The following MRPS9 variants were observed in gnomAD, a reference collection of about 807,000 sequenced individuals.
The protein encoded by MRPS9 is small ribosomal subunit protein uS9m.
MRPS9 carries 45 observed loss-of-function variants against 59.9 expected under a neutral mutation model. That is an observed-to-expected ratio of 0.75 (90% CI 0.59 to 0.96). The LOEUF is 0.96. Among genes scored for constraint, MRPS9 ranks in the 40% least tolerant of loss-of-function variants. MRPS9 has a pLI of 0.00. For missense variants in MRPS9, 473 were observed against 481.1 expected (o/e 0.98, Z 0.16); for synonymous variants, 171 against 166.8 (o/e 1.03, Z -0.19).
chr2:105,096,719 TATAGTAGACTTTATTTAGTGAATCCAAA>T lies in MRPS9; in HGVS notation c.930-435_930-408del, dbSNP rs537092268. Among the ~76,000 whole-genome samples the T allele has an allele frequency of 4.2e-3, 642 of 152,338 alleles. 5 individuals carry two copies. Among genetic ancestry groups the T allele is most frequent in the African/African-American group, 0.014 (595 of 41,570 alleles). ...GCATTATACATTATACAGATACACT[TATAGTAGACTTTATTTAGTGAATCCAAA>T]TGACATGTGATAATTGTTTGGAAAG... On this transcript the variant is annotated intron_variant, in intron 9 of 10. Transcript: ENST00000258455.
intron 2 of MRPS9, among the ~76,000 whole-genome samples, chr2:105,062,616 T>C (rs1679927795): frequency 6.6e-6 from 1 of 152,234 alleles, no homozygotes; most frequent in Non-Finnish European, 1.5e-5. Flanking sequence ...ACTTTAACCT[T>C]GTAACCATTT....
intron 5 of MRPS9, among the ~76,000 whole-genome samples, chr2:105,082,744 G>A (rs140228850): frequency 3.9e-5 from 6 of 152,284 alleles, no homozygotes; most frequent in African/African-American, 1.2e-4. Flanking sequence ...ATGTTCTCAC[G>A]TTTTGGAAAT....
At chr2:105,050,144 C>CTTT (rs201774328) in intron 2 of MRPS9, among the ~76,000 whole-genome samples, 5 of 150,882 alleles carry the variant, frequency 3.3e-5, no homozygotes, top group African/African-American at 4.9e-5. Flanking sequence ...CTTTTCTTTT[C>CTTT]TTTTCTTTTT....
intron 5 of MRPS9, among the ~76,000 whole-genome samples, chr2:105,086,192 T>C (rs983420523): frequency 6.6e-6 from 1 of 152,194 alleles, no homozygotes; most frequent in Non-Finnish European, 1.5e-5. Context: ...TTACATATAT[T>C]TTCCTATTTA....
At chr2:105,052,051 AG>A (rs1679721140) in intron 2 of MRPS9, among the ~76,000 whole-genome samples, 1 of 152,184 alleles carries the variant, frequency 6.6e-6, no homozygotes, top group Non-Finnish European at 1.5e-5. Context: ...AAGAATTAGT[AG>A]GATATTTCAC....
chr2:105,067,535 G>A (rs1480889253), intron 2 of MRPS9, among the ~76,000 whole-genome samples: 1 of 152,030 alleles, frequency 6.6e-6, no homozygotes, highest in Non-Finnish European at 1.5e-5. Flanking sequence ...AGTCTATAGG[G>A]TAATATTCTG....
chr2:105,057,311 C>T (rs1679808313), intron 2 of MRPS9, among the ~76,000 whole-genome samples: 1 of 152,138 alleles, frequency 6.6e-6, no homozygotes, highest in Non-Finnish European at 1.5e-5. Flanking sequence ...GCAAATAGAC[C>T]TTAATGCTGT....
chr2:105,089,284 A>T (rs774254722), intron 6 of MRPS9, among the ~76,000 whole-genome samples: 1 of 152,204 alleles, frequency 6.6e-6, no homozygotes, highest in African/African-American at 2.4e-5. Flanking sequence ...TTTATATGTG[A>T]TAGAATATTT....
chr2:105,056,166 G>A (rs1573422169), intron 2 of MRPS9, among the ~76,000 whole-genome samples: 1 of 143,930 alleles, frequency 6.9e-6, no homozygotes, highest in Non-Finnish European at 1.5e-5. Context: ...TTTTATCTTT[G>A]TAAAAACCTT....
intron 7 of MRPS9, chr2:105,091,259 T>C (rs1187989706): frequency 1.5e-5 from 7 of 470,632 alleles, no homozygotes; most frequent in African/African-American, 1.4e-4. Context: ...GTGGAGGTGG[T>C]CAGTGACTTC....
At chr2:105,043,026 A>G (rs887808191) in intron 1 of MRPS9, among the ~76,000 whole-genome samples, 3 of 152,012 alleles carry the variant, frequency 2.0e-5, no homozygotes, top group Admixed American at 6.5e-5. Flanking sequence ...AGGTACTTGA[A>G]TATGCATCTC....
intron 2 of MRPS9, among the ~76,000 whole-genome samples, chr2:105,061,452 G>A (rs535143587): frequency 6.6e-6 from 1 of 152,122 alleles, no homozygotes; most frequent in Non-Finnish European, 1.5e-5. Flanking sequence ...TCATACCTGC[G>A]GCAGAGACTC....
At chr2:105,073,293 A>G (rs1680147865) in intron 4 of MRPS9, among the ~76,000 whole-genome samples, 1 of 152,172 alleles carries the variant, frequency 6.6e-6, no homozygotes, top group South Asian at 2.1e-4. Flanking sequence ...ACTAGCAGCC[A>G]GGTTGTGACA....
intron 1 of MRPS9, among the ~76,000 whole-genome samples, chr2:105,040,844 A>G (rs1344038141): frequency 3.3e-5 from 5 of 152,220 alleles, no homozygotes; most frequent in Admixed American, 1.3e-4. Flanking sequence ...TTGACCAGGT[A>G]GAGGATTGTC....
intron 2 of MRPS9, among the ~76,000 whole-genome samples, chr2:105,061,258 C>T (rs1679896062): frequency 6.6e-6 from 1 of 152,018 alleles, no homozygotes; most frequent in Admixed American, 6.6e-5. Context: ...ATGTGTGGCA[C>T]TGAGCTGGTT....
intron 4 of MRPS9, among the ~76,000 whole-genome samples, chr2:105,073,102 T>C (rs376560477): frequency 1.3e-5 from 2 of 152,098 alleles, no homozygotes; most frequent in African/African-American, 2.4e-5. Flanking sequence ...GTGATTTTTT[T>C]TTCTTCTTCT....
intron 4 of MRPS9, 103 bp downstream of exon 4, chr2:105,071,592 T>A: frequency 8.9e-7 from 1 of 1,123,132 alleles, no homozygotes; most frequent in Non-Finnish European, 1.3e-6. Flanking sequence ...GGCCTTCCTG[T>A]GTCACAGTAG....
intron 2 of MRPS9, among the ~76,000 whole-genome samples, chr2:105,061,537 C>T (rs1383708179): frequency 1.3e-5 from 2 of 152,138 alleles, no homozygotes; most frequent in Non-Finnish European, 2.9e-5. Flanking sequence ...ATGCAGACTG[C>T]GGCAGATGCA....
rs1247548804 is a variant in MRPS9 at position 105,097,325 on chromosome 2, G to C, written c.1099+1G>C. The stretch of plus-strand genomic sequence containing the variant: ...GACGAGGTCGAGTGGATGAGACAAG[G>C]TATGAGTCTAGGTGGGACGGGCATG... On this transcript the variant is annotated splice_donor_variant, in intron 10 of 10. Transcript: ENST00000258455. LOFTEE classifies it high-confidence loss of function. 1.2e-6 allele frequency: 2 copies of C among 1,602,426 alleles called. No individual in the cohort carries two copies. Among genetic ancestry groups the C allele is most frequent in the Non-Finnish European group, 1.7e-6 (2 of 1,174,424 alleles).
Sources: gnomAD v4.1 joint callset for allele counts (sites outside exome capture counted in the v4.1 genomes callset) on GRCh38, gnomAD v4.1.1 for gene constraint, MANE v1.5 for transcripts, NCBI Gene and HGNC (gene_info 2026-07-23, HGNC 2026-07-21) for gene names.